The following TTC6 variants were observed in gnomAD, a reference collection of about 807,000 sequenced individuals.
TTC6 encodes tetratricopeptide repeat domain 6, also known as tetratricopeptide repeat protein 6.
TTC6 carries 172 observed loss-of-function variants against 210.4 expected under a neutral mutation model. The observed-to-expected ratio is 0.82, with a 90% CI of 0.72 to 0.93. The LOEUF (loss-of-function observed/expected upper bound fraction) is 0.93, where lower values mean the gene tolerates loss of function less well. Ranked by LOEUF, TTC6 falls within the 40% of genes least tolerant of loss-of-function variation. The probability of loss-of-function intolerance (pLI) is 0.00; values close to 1 mark genes in which losing one functional copy is unlikely to be tolerated. For synonymous variants in TTC6, 804 were observed against 819.6 expected, an observed-to-expected ratio of 0.98 and a Z score of 0.32; for missense variants, 2,414 against 2,318.1, an observed-to-expected ratio of 1.04 and a Z score of -0.85.
intron 14 of TTC6, among the ~76,000 whole-genome samples, chr14:37,766,336 C>T (rs531118121): frequency 3.3e-5 from 5 of 152,210 alleles, no homozygotes; most frequent in South Asian, 4.1e-4. Context: ...GTAACCAATA[C>T]GTAGTTTTTT....
chr14:37,777,027 A>AT (rs1339821953), intron 14 of TTC6, among the ~76,000 whole-genome samples: 3 of 152,004 alleles, frequency 2.0e-5, no homozygotes, highest in Admixed American at 1.3e-4. Context: ...TACCTTTAGC[A>AT]TTTTTTTCTG....
intron 26 of TTC6, among the ~76,000 whole-genome samples, chr14:37,821,121 A>G (rs1464614675): frequency 2.0e-5 from 3 of 149,934 alleles, no homozygotes; most frequent in Non-Finnish European, 4.4e-5. Flanking sequence ...AGGCTGGAGT[A>G]CAATGGCATG....
intron 29 of TTC6, among the ~76,000 whole-genome samples, chr14:37,829,124 C>T (rs1183423145): frequency 6.6e-6 from 1 of 151,818 alleles, no homozygotes; most frequent in Non-Finnish European, 1.5e-5. Context: ...CCTGGTATTC[C>T]TTTGCTTTTC....
chr14:37,653,638 C>T (rs983651427), intron 1 of TTC6, among the ~76,000 whole-genome samples: 2 of 152,214 alleles, frequency 1.3e-5, no homozygotes, highest in South Asian at 4.1e-4. Flanking sequence ...TGTTTTCAGT[C>T]CACTTGCACT....
intron 26 of TTC6, 64 bp downstream of exon 28, chr14:37,817,715 C>T: frequency 2.0e-6 from 3 of 1,471,560 alleles, no homozygotes; most frequent in Non-Finnish European, 1.9e-6. Flanking sequence ...CTAATTATCA[C>T]CCCATAAACA....
intron 14 of TTC6, among the ~76,000 whole-genome samples, chr14:37,784,953 A>G (rs1049411113): frequency 1.3e-5 from 2 of 151,988 alleles, no homozygotes; most frequent in African/African-American, 4.8e-5. Flanking sequence ...ATTGGCCCCC[A>G]CTCTCTTCTG....
intron 10 of TTC6, among the ~76,000 whole-genome samples, chr14:37,742,824 T>C (rs1302976572): frequency 6.6e-6 from 1 of 152,146 alleles, no homozygotes; most frequent in Non-Finnish European, 1.5e-5. Flanking sequence ...TACATCCATA[T>C]CCCAACCTTC....
At chr14:37,809,614 C>G (rs532870485) in intron 24 of TTC6, among the ~76,000 whole-genome samples, 30 of 152,204 alleles carry the variant, frequency 2.0e-4, no homozygotes, top group African/African-American at 6.3e-4. Flanking sequence ...TTTGTTTGGT[C>G]CTCAGACCAC....
intron 24 of TTC6, among the ~76,000 whole-genome samples, chr14:37,810,267 C>A (rs1316743540): frequency 6.6e-6 from 1 of 152,180 alleles, no homozygotes; most frequent in Admixed American, 6.5e-5. Flanking sequence ...CCTCCCCAAC[C>A]CCATTCCTGC....
intron 28 of TTC6, among the ~76,000 whole-genome samples, chr14:37,826,906 C>A (rs545486029): frequency 5.9e-5 from 9 of 152,206 alleles, no homozygotes; most frequent in African/African-American, 2.2e-4. Context: ...TATTCTCTAG[C>A]TTAACAGCTA....
Position 37,598,465 on chromosome 14 carries a change from C to T in TTC6, c.-235+2457C>T, listed in dbSNP as rs2095608860. On this transcript the variant is annotated intron_variant, in intron 1 of 2. Coordinates refer to the TTC6 transcript ENST00000556845. The surrounding 1 kb of genome is among the most constrained non-coding windows in gnomAD (Gnocchi z 4.9). ...CGGCTCCGCCCTTCCCGGAAGCTGC[C>T]CTTGCTACACCCGTGGGGCCTGCTC... is the stretch of plus-strand genomic sequence containing the variant. 1.3e-5 allele frequency among the ~76,000 whole-genome samples: 2 copies of T among 152,234 alleles called. No homozygotes were observed. Among genetic ancestry groups the T allele is most frequent in the Admixed American group, 1.3e-4 (2 of 15,288 alleles).
At chr14:37,769,676 A>G in intron 14 of TTC6, among the ~76,000 whole-genome samples, 1 of 150,170 alleles carries the variant, frequency 6.7e-6, no homozygotes, top group Middle Eastern at 3.2e-3. Context: ...TATTGCATCT[A>G]TTTGATTCTT....
intron 1 of TTC6, among the ~76,000 whole-genome samples, chr14:37,658,175 ATTAT>A: frequency 6.6e-6 from 1 of 152,344 alleles, no homozygotes; most frequent in Non-Finnish European, 1.5e-5. Flanking sequence ...ATTTCATGTA[ATTAT>A]TCTCACTTAT....
chr14:37,806,211 C>A, intron 21 of TTC6, 150 bp from the exon 24 acceptor site: 1 of 759,522 alleles, frequency 1.3e-6, no homozygotes, highest in Non-Finnish European at 2.0e-6. Context: ...TTTGTTTGTT[C>A]CATGAGGTCC....
chr14:37,602,094 G>A (rs921016697), intron 1 of TTC6, among the ~76,000 whole-genome samples: 3 of 152,232 alleles, frequency 2.0e-5, no homozygotes, highest in African/African-American at 7.2e-5. Context: ...CTGAGTGTCC[G>A]TTGGGGCCCC....
intron 12 of TTC6, among the ~76,000 whole-genome samples, chr14:37,750,329 A>G (rs1243277655): frequency 6.6e-6 from 1 of 152,218 alleles, no homozygotes; most frequent in Non-Finnish European, 1.5e-5. Context: ...TTGTATCCCC[A>G]GCACCTACAA....
intron 10 of TTC6, among the ~76,000 whole-genome samples, chr14:37,740,905 A>G (rs151132178): frequency 1.4e-4 from 21 of 152,300 alleles, no homozygotes; most frequent in African/African-American, 5.1e-4. Context: ...AATGACTTCT[A>G]TCTAAAAAAA....
chr14:37,742,300 C>G (rs2095922582), intron 10 of TTC6, among the ~76,000 whole-genome samples: 1 of 152,184 alleles, frequency 6.6e-6, no homozygotes, highest in African/African-American at 2.4e-5. Context: ...TCATCTTGTG[C>G]TGCTGCATTC....
chr14:37,841,775 C>G (rs2096210778), intron 30 of TTC6, 105 bp downstream of exon 32: 1 of 923,078 alleles, frequency 1.1e-6, no homozygotes, highest in South Asian at 1.6e-5. Flanking sequence ...GATAAACTTA[C>G]ATAAGAATTA....
Sources: gnomAD v4.1 joint callset for allele counts (sites outside exome capture counted in the v4.1 genomes callset) on GRCh38, gnomAD v4.1.1 for gene constraint, Gnocchi (gnomAD v3.1) non-coding constraint, MANE v1.5 for transcripts, NCBI Gene and HGNC (gene_info 2026-07-23, HGNC 2026-07-21) for gene names.